Variants in RPGRIP1L observed in about 807,000 individuals in gnomAD.
The protein encoded by RPGRIP1L is protein fantom.
A neutral mutation model predicts 160.4 loss-of-function variants in RPGRIP1L; 131 were observed. The ratio of observed to expected loss-of-function variants is 0.82; its 90% confidence interval spans 0.71 to 0.94. The LOEUF (loss-of-function observed/expected upper bound fraction) is 0.94. Ranked by LOEUF, RPGRIP1L falls within the 40% of genes least tolerant of loss-of-function variation. The pLI is 0.00. For missense variants in RPGRIP1L, 1,522 were observed against 1,535.8 expected (o/e 0.99, Z 0.15); for synonymous variants, 510 against 515.8 (o/e 0.99, Z 0.15).
intron 22 of RPGRIP1L, among the ~76,000 whole-genome samples, chr16:53,630,371 G>T (rs1396700086): frequency 6.6e-6 from 1 of 152,116 alleles, no homozygotes; most frequent in Non-Finnish European, 1.5e-5. Flanking sequence ...CTTTTTAAAT[G>T]AAATCATCAC....
At chr16:53,626,304 C>A (rs937257326) in intron 22 of RPGRIP1L, among the ~76,000 whole-genome samples, 2 of 152,010 alleles carry the variant, frequency 1.3e-5, no homozygotes, top group Non-Finnish European at 2.9e-5. Context: ...GCAACATGAC[C>A]GGTCATTCCT....
At chr16:53,602,541 C>T (rs1446218221) in intron 26 of RPGRIP1L, among the ~76,000 whole-genome samples, 8 of 152,078 alleles carry the variant, frequency 5.3e-5, no homozygotes, top group South Asian at 4.2e-4. Flanking sequence ...TTTGGGAGGC[C>T]GAGGTGAGGT....
intron 9 of RPGRIP1L, among the ~76,000 whole-genome samples, chr16:53,670,038 C>G (rs2151226724): frequency 6.6e-6 from 1 of 152,230 alleles, no homozygotes; most frequent in Middle Eastern, 3.4e-3. Context: ...GACATTTAAA[C>G]TTTTCAAACA....
At chr16:53,626,145 TAAAAAA>T (rs760491478) in intron 22 of RPGRIP1L, among the ~76,000 whole-genome samples, 2 of 60,528 alleles carry the variant, frequency 3.3e-5, no homozygotes, top group Admixed American at 2.0e-4. Flanking sequence ...CAATAAATAC[TAAAAAA>T]AAAAAAAAAA....
At chr16:53,636,941 GACACACACACACACACACACACACAC>G (rs34373919) in intron 21 of RPGRIP1L, among the ~76,000 whole-genome samples, 1 of 142,124 alleles carries the variant, frequency 7.0e-6, no homozygotes, top group South Asian at 2.4e-4. Context: ...TGCAATATTT[GACACACACACACACACACACACACAC>G]ACACACACAC....
At chr16:53,626,485 T>C (rs1270679380) in intron 22 of RPGRIP1L, among the ~76,000 whole-genome samples, 1 of 152,126 alleles carries the variant, frequency 6.6e-6, no homozygotes, top group Non-Finnish European at 1.5e-5. Context: ...ATCCTCAGTA[T>C]CACCATGTAA....
chr16:53,660,440 T>G (rs1967679344), intron 10 of RPGRIP1L, among the ~76,000 whole-genome samples: 1 of 152,196 alleles, frequency 6.6e-6, no homozygotes, highest in East Asian at 1.9e-4. Flanking sequence ...TATAAGGCAT[T>G]GTGTTCTCAA....
At chr16:53,606,212 G>A (rs888272907) in intron 25 of RPGRIP1L, among the ~76,000 whole-genome samples, 1 of 152,110 alleles carries the variant, frequency 6.6e-6, no homozygotes, top group African/African-American at 2.4e-5. Context: ...TAGCATCCAA[G>A]TTTTATTTTA....
chr16:53,605,398 G>A lies in RPGRIP1L; in HGVS notation c.3835+83C>T, dbSNP rs752668510. ...TAACGTGTGACTCAGCACCCTTGGA[G>A]CCAGCAAAAAGAAGGTTTTAATAAA... On this transcript the variant is annotated intron_variant, in intron 26 of 26. Transcript: ENST00000647211. 4.6e-6 allele frequency: 7 copies of A among 1,513,636 alleles called. No homozygotes were observed. In the African/African-American group the frequency reaches 9.6e-5, roughly 21 times the overall value. 93.8% of individuals were successfully genotyped at this position (1,513,636 alleles called of 1,614,324 possible).
chr16:53,637,262 T>C (rs1965899590), intron 21 of RPGRIP1L, among the ~76,000 whole-genome samples: 1 of 152,170 alleles, frequency 6.6e-6, no homozygotes, highest in African/African-American at 2.4e-5. Context: ...GGTCCCTCTG[T>C]AATCTCTTCC....
chr16:53,664,916 G>A lies in RPGRIP1L; in HGVS notation c.1197C>T (p.Asp399=), dbSNP rs1409284464. The change falls in exon 10 of 27, where the codon GAC becomes GAT. Residue 399 remains aspartate, a synonymous_variant. Transcript: ENST00000647211. The stretch of plus-strand genomic sequence containing the variant: ...CAAGGATTTCAGTTTTGTCTGTTAA[G>A]TCAGACTTCAAGGCAGTCTCGAGCT... ...IAQLETALKS[D]LTDKTEILDR... The A allele has an allele frequency of 6.2e-7, 1 of 1,612,860 alleles. No homozygotes were observed. Among genetic ancestry groups the A allele is most frequent in the Non-Finnish European group, 8.5e-7 (1 of 1,179,886 alleles).
chr16:53,624,424 G>A (rs899666679), intron 22 of RPGRIP1L, among the ~76,000 whole-genome samples: 1 of 151,960 alleles, frequency 6.6e-6, no homozygotes, highest in African/African-American at 2.4e-5. Context: ...GTGGTGGCAC[G>A]CGCCTGGTAC....
intron 24 of RPGRIP1L, among the ~76,000 whole-genome samples, chr16:53,612,028 G>A (rs1277005328): frequency 6.6e-6 from 1 of 152,126 alleles, no homozygotes; most frequent in Admixed American, 6.6e-5. Flanking sequence ...ATGTTTCCCT[G>A]AACAATTTTA....
intron 3 of RPGRIP1L, 86 bp downstream of exon 3, chr16:53,696,065 T>C: frequency 1.6e-6 from 2 of 1,246,798 alleles, no homozygotes; most frequent in Non-Finnish European, 2.3e-6. Context: ...AGATTCAAGG[T>C]GGGGTATTCA....
At chr16:53,632,911 C>T (rs1965609780) in intron 22 of RPGRIP1L, among the ~76,000 whole-genome samples, 1 of 152,158 alleles carries the variant, frequency 6.6e-6, no homozygotes, top group Admixed American at 6.6e-5. Context: ...TCCCATAGCA[C>T]CCCATGCATT....
chr16:53,696,738 A>T (rs1167785046), intron 2 of RPGRIP1L, among the ~76,000 whole-genome samples: 1 of 152,204 alleles, frequency 6.6e-6, no homozygotes, highest in Non-Finnish European at 1.5e-5. Flanking sequence ...TTAGAAAACA[A>T]ACTATAAAAG....
chr16:53,673,792 CT>C, intron 7 of RPGRIP1L, among the ~76,000 whole-genome samples: 1 of 152,008 alleles, frequency 6.6e-6, no homozygotes, highest in Non-Finnish European at 1.5e-5. Flanking sequence ...CTTCAGCCAC[CT>C]TTTTCTAGGC....
At chr16:53,653,896 T>C (rs1253152359) in intron 14 of RPGRIP1L, among the ~76,000 whole-genome samples, 1 of 152,224 alleles carries the variant, frequency 6.6e-6, no homozygotes, top group Non-Finnish European at 1.5e-5. Flanking sequence ...TTCTAAAGTT[T>C]TGTTTAACCC....
chr16:53,660,594 TAC>T (rs1967698492), intron 10 of RPGRIP1L, among the ~76,000 whole-genome samples: 1 of 151,134 alleles, frequency 6.6e-6, no homozygotes, highest in Non-Finnish European at 1.5e-5. Flanking sequence ...TCCTAGGCAA[TAC>T]AGAGACATTT....
Sources: allele counts gnomAD v4.1 joint callset (sites outside exome capture counted in the v4.1 genomes callset), GRCh38; gene constraint gnomAD v4.1.1; transcripts MANE v1.5; gene names NCBI Gene and HGNC (gene_info 2026-07-23, HGNC 2026-07-21).